Variants in CA10 observed in about 807,000 individuals in gnomAD.
CA10 encodes the protein carbonic anhydrase 10 (inactive), also known as carbonic anhydrase-related protein 10.
A neutral mutation model predicts 44.2 loss-of-function variants in CA10; 14 were observed. That is an observed-to-expected ratio of 0.32 (90% CI 0.21 to 0.50). The LOEUF (loss-of-function observed/expected upper bound fraction) is 0.50. Ranked by LOEUF, CA10 falls within the 20% of genes least tolerant of loss-of-function variation. The pLI is 0.99. For synonymous variants in CA10, 159 were observed against 141.6 expected (o/e 1.12, Z -0.87); for missense variants, 350 against 409.7 (o/e 0.85, Z 1.26).
chr17:52,133,184 T>C (rs2143355360), intron 1 of CA10, among the ~76,000 whole-genome samples: 1 of 152,246 alleles, frequency 6.6e-6, no homozygotes, highest in African/African-American at 2.4e-5. Flanking sequence ...TGACTGACCT[T>C]GGGGAACGAA....
At chr17:51,860,687 A>G (rs1979263597) in intron 3 of CA10, among the ~76,000 whole-genome samples, 1 of 152,220 alleles carries the variant, frequency 6.6e-6, no homozygotes, top group African/African-American at 2.4e-5. Context: ...CCAGTAACAT[A>G]TAATATATAG....
At chr17:51,996,648 G>A (rs888546067) in intron 2 of CA10, among the ~76,000 whole-genome samples, 1 of 151,926 alleles carries the variant, frequency 6.6e-6, no homozygotes, top group Non-Finnish European at 1.5e-5. Flanking sequence ...GTAGCTCACA[G>A]CATGTACTTT....
At chr17:51,717,595 G>T (rs1425739629) in intron 4 of CA10, among the ~76,000 whole-genome samples, 1 of 107,454 alleles carries the variant, frequency 9.3e-6, no homozygotes, top group African/African-American at 3.6e-5. Flanking sequence ...ATATATTTGT[G>T]TATATATATA....
intron 3 of CA10, among the ~76,000 whole-genome samples, chr17:51,849,649 G>GTGCTTCATAAAGAGTC (rs1978701023): frequency 6.6e-6 from 1 of 152,182 alleles, no homozygotes; most frequent in Non-Finnish European, 1.5e-5. Context: ...GATCTGCAAA[G>GTGCTTCATAAAGAGTC]TGCTTCATAA....
At chr17:51,642,157 C>T (rs1225891642) in intron 6 of CA10, among the ~76,000 whole-genome samples, 1 of 152,174 alleles carries the variant, frequency 6.6e-6, no homozygotes, top group African/African-American at 2.4e-5. Flanking sequence ...TAAGCTGCTC[C>T]TGTTCTGTTC....
intron 3 of CA10, among the ~76,000 whole-genome samples, chr17:51,902,501 G>A (rs7218104): frequency 0.095 from 14,480 of 152,106 alleles, 1,580 homozygotes; most frequent in African/African-American, 0.27. Flanking sequence ...AAAATGAGGG[G>A]CAGTGAGCAT....
intron 4 of CA10, among the ~76,000 whole-genome samples, chr17:51,707,669 A>ATGTGTG (rs1491192056): frequency 3.6e-3 from 143 of 39,816 alleles, no homozygotes; most frequent in African/African-American, 7.6e-3. Flanking sequence ...AAGTGGATGA[A>ATGTGTG]TATGTGTGTG....
intron 3 of CA10, among the ~76,000 whole-genome samples, chr17:51,838,676 A>C (rs1978296073): frequency 1.3e-5 from 2 of 152,256 alleles, no homozygotes; most frequent in South Asian, 4.1e-4. Flanking sequence ...CTGCATAGTA[A>C]AGCAAGAGCC....
intron 6 of CA10, among the ~76,000 whole-genome samples, chr17:51,639,125 C>T (rs1292908568): frequency 6.6e-6 from 1 of 152,140 alleles, no homozygotes; most frequent in African/African-American, 2.4e-5. Context: ...ATCACATTTG[C>T]ACTTAATGAG....
At chr17:52,040,539 G>T (rs1986740889) in intron 2 of CA10, among the ~76,000 whole-genome samples, 1 of 152,016 alleles carries the variant, frequency 6.6e-6, no homozygotes, top group African/African-American at 2.4e-5. Context: ...AATTAGTATA[G>T]ATACATAAAA....
chr17:51,865,568 G>A (rs553338803), intron 3 of CA10, among the ~76,000 whole-genome samples: 1 of 152,214 alleles, frequency 6.6e-6, no homozygotes. Flanking sequence ...GAGCCGGTGG[G>A]GGGGAACCAA....
intron 3 of CA10, among the ~76,000 whole-genome samples, chr17:51,772,504 G>C (rs1339795390): frequency 6.6e-6 from 1 of 152,064 alleles, no homozygotes; most frequent in Non-Finnish European, 1.5e-5. Flanking sequence ...AGGCCATGAA[G>C]AGAACTAAAA....
chr17:51,997,963 G>C (rs1175796869), intron 2 of CA10, among the ~76,000 whole-genome samples: 1 of 151,998 alleles, frequency 6.6e-6, no homozygotes, highest in South Asian at 2.1e-4. Flanking sequence ...TAACCCTAAG[G>C]TCACTTTCCT....
chr17:51,820,648 G>A (rs1907746002), intron 3 of CA10, among the ~76,000 whole-genome samples: 1 of 152,024 alleles, frequency 6.6e-6, no homozygotes, highest in Admixed American at 6.6e-5. Context: ...CTTAGAGTCA[G>A]AAGACCTAAG....
intron 2 of CA10, among the ~76,000 whole-genome samples, chr17:52,041,844 T>C (rs1453502861): frequency 6.6e-6 from 1 of 152,128 alleles, no homozygotes; most frequent in African/African-American, 2.4e-5. Context: ...ATAGTACTTG[T>C]CTTTCTATGT....
intron 3 of CA10, among the ~76,000 whole-genome samples, chr17:51,794,295 C>A (rs767897366): frequency 3.3e-5 from 5 of 152,138 alleles, no homozygotes; most frequent in Non-Finnish European, 7.4e-5. Flanking sequence ...GGTGTAAGAA[C>A]TGGAAAGAAA....
chr17:52,045,552 G>A (rs1941457171), intron 2 of CA10, among the ~76,000 whole-genome samples: 1 of 151,950 alleles, frequency 6.6e-6, no homozygotes, highest in African/African-American at 2.4e-5. Context: ...GGAGGGCAAT[G>A]GAACTATACT....
At chr17:52,076,356 G>C (rs1567724989) in intron 1 of CA10, among the ~76,000 whole-genome samples, 2 of 152,118 alleles carry the variant, frequency 1.3e-5, no homozygotes, top group Non-Finnish European at 2.9e-5. Context: ...TTGCTTCTTT[G>C]GCTATCACAT....
At chr17:52,117,814 A>C (rs1988930848) in intron 1 of CA10, among the ~76,000 whole-genome samples, 1 of 152,240 alleles carries the variant, frequency 6.6e-6, no homozygotes, top group African/African-American at 2.4e-5. Flanking sequence ...TGGAAATGTA[A>C]ATTTTTGCCT....
Sources: allele counts gnomAD v4.1 joint callset (sites outside exome capture counted in the v4.1 genomes callset), GRCh38; gene constraint gnomAD v4.1.1; transcripts MANE v1.5; gene names NCBI Gene and HGNC (gene_info 2026-07-23, HGNC 2026-07-21).